ATIC: variants seen among roughly 807,000 people sequenced by gnomAD.
ATIC encodes the protein 5-aminoimidazole-4-carboxamide ribonucleotide formyltransferase/IMP cyclohydrolase.
A neutral mutation model predicts 72.5 loss-of-function variants in ATIC; 64 were observed. The ratio of observed to expected loss-of-function variants is 0.88; its 90% CI spans 0.72 to 1.09. ATIC has a LOEUF of 1.09. Ranked by LOEUF, ATIC falls within the 50% of genes least tolerant of loss-of-function variation. The pLI, the probability that ATIC is intolerant of heterozygous loss-of-function variation, is 0.00. For synonymous variants in ATIC, 281 were observed against 267.1 expected, an observed-to-expected ratio of 1.05 and a Z score of -0.51; for missense variants, 787 against 732.4, an observed-to-expected ratio of 1.07 and a Z score of -0.86.
chr2:215,333,720 T>G (rs1050830647), intron 9 of ATIC, among the ~76,000 whole-genome samples: 6 of 152,152 alleles, frequency 3.9e-5, no homozygotes, highest in African/African-American at 1.4e-4. Context: ...TGTGAGTACC[T>G]CAAAATACAT....
intron 7 of ATIC, among the ~76,000 whole-genome samples, chr2:215,331,906 C>G (rs1220218687): frequency 6.6e-6 from 1 of 152,176 alleles, no homozygotes; most frequent in Non-Finnish European, 1.5e-5. Context: ...TATTTCTTCT[C>G]TTCTTCCACC....
intron 1 of ATIC, 129 bp from the exon 2 acceptor site, chr2:215,312,369 G>A: frequency 1.3e-6 from 2 of 1,556,478 alleles, no homozygotes; most frequent in South Asian, 2.2e-5. Flanking sequence ...GCCCGGACCA[G>A]GCCTGCGAAC....
chr2:215,333,547 AT>A, intron 9 of ATIC, 90 bp downstream of exon 9: 1 of 921,546 alleles, frequency 1.1e-6, no homozygotes, highest in South Asian at 1.6e-5. Context: ...TAAAGAAAAA[AT>A]ATATAGATAT....
In ATIC at chr2:215,312,111, TC is replaced by T. The variant is rs1575110595; in HGVS notation, c.-29del. The T allele has an allele frequency of 6.5e-7, 1 of 1,530,458 alleles. No homozygotes were observed. 94.8% of individuals were successfully genotyped at this position (1,530,458 alleles called of 1,614,324 possible). On this transcript the variant is annotated 5_prime_UTR_variant, in exon 1 of 16. Transcript: ENST00000236959. Reference sequence around the variant, plus strand: ...CGCACGTGGTGCCGCCGCTGCTGCCTCCCGCTCGCCCTGAACCCAGTGCCTG... The same window carrying T: ...CGCACGTGGTGCCGCCGCTGCTGCCTCCGCTCGCCCTGAACCCAGTGCCTG...
In ATIC at chr2:215,315,989, C is replaced by A. The variant is rs918421016; in HGVS notation, c.147-2168C>A. On this transcript the variant is annotated intron_variant, in intron 2 of 15. Coordinates refer to ENST00000236959, the MANE Select transcript of ATIC (RefSeq NM_004044.7). ...AAAAAAGATCTTGGTTCTGAGGCTG[C>A]TTCTGAGCATATTTTTGGGTGTTGT... Among the ~76,000 whole-genome samples, 21 of 151,536 alleles carry A rather than the reference C, an allele frequency of 1.4e-4. No individual in the cohort carries two copies. The South Asian group carries it at 2.1e-3, about 15-fold the overall frequency.
At chr2:215,329,276 T>TA (rs562447875) in intron 7 of ATIC, among the ~76,000 whole-genome samples, 91 of 152,342 alleles carry the variant, frequency 6.0e-4, no homozygotes, top group African/African-American at 2.1e-3. Context: ...TGTCAGTTCT[T>TA]ATACTTTTCA....
intron 11 of ATIC, among the ~76,000 whole-genome samples, chr2:215,338,085 G>A (rs957797173): frequency 1.3e-5 from 2 of 152,044 alleles, no homozygotes; most frequent in Non-Finnish European, 2.9e-5. Flanking sequence ...TATATGTCAG[G>A]GCTTTCTAAA....
chr2:215,365,579 C>T, the ATIC span: 29 of 1,613,984 alleles, frequency 1.8e-5, no homozygotes, highest in East Asian at 6.7e-5. Context: ...TTCTCCCTGA[C>T]GGTCCCACTT....
chr2:215,320,668 CT>C (rs1343325648), intron 4 of ATIC, among the ~76,000 whole-genome samples: 22 of 152,276 alleles, frequency 1.4e-4, no homozygotes, highest in Non-Finnish European at 2.6e-4. Context: ...CAACCTCTGC[CT>C]CCTGTGTTCA....
At position 215,332,131 on chromosome 2, in the gene ATIC, CGTGTGTGTGTGTGTGT is replaced by C. The variant is rs71044585; in HGVS notation, c.689-222_689-207del. On this transcript the variant is annotated intron_variant, in intron 7 of 15. Coordinates refer to ENST00000236959, the MANE Select transcript of ATIC (RefSeq NM_004044.7). The stretch of plus-strand genomic sequence containing the variant: ...GACTGGCTGGTTCTGGTCCTCCAGT[CGTGTGTGTGTGTGTGT>C]GTGTGTGTGTGTGTGTGTGTGTGTG... Among the ~76,000 whole-genome samples, 1,022 of 142,172 alleles carry C rather than the reference CGTGTGTGTGTGTGTGT, an allele frequency of 7.2e-3. 10 individuals are homozygous for C. The highest frequency in any genetic ancestry group is 0.024 in the African/African-American group (897 of 37,588). The allele number at this position is 142,172 out of a possible 152,430, so 93.3% of individuals were successfully genotyped here.
Position 215,333,087 on chromosome 2 carries a change from C to T in ATIC, c.815-263C>T, listed in dbSNP as rs146593641. 4.1e-3 allele frequency among the ~76,000 whole-genome samples: 628 copies of T among 152,174 alleles called. 3 individuals are homozygous for T. Among genetic ancestry groups the T allele is most frequent in the African/African-American group, 0.014 (600 of 41,526 alleles). ...AAGAGTGAGTCAGTAATGAAGTAAA[C>T]GAGCTTCACCTACACGCTGGGTACT... On this transcript the variant is annotated intron_variant, in intron 8 of 15. Coordinates refer to ENST00000236959, the MANE Select transcript of ATIC (RefSeq NM_004044.7).
chr2:215,343,029 T>G (rs1172120799), intron 12 of ATIC, among the ~76,000 whole-genome samples: 1 of 152,238 alleles, frequency 6.6e-6, no homozygotes, highest in Non-Finnish European at 1.5e-5. Flanking sequence ...GTATGGTAGT[T>G]GCATGTTTAG....
chr2:215,323,476 A>G (rs1255809300), intron 4 of ATIC, among the ~76,000 whole-genome samples: 4 of 152,328 alleles, frequency 2.6e-5, no homozygotes, highest in Non-Finnish European at 5.9e-5. Flanking sequence ...TGTCTTGTGA[A>G]GTAGAATTGT....
At chr2:215,359,612 C>T in the ATIC span, among the ~76,000 whole-genome samples, 18 of 152,236 alleles carry the variant, frequency 1.2e-4, no homozygotes, top group African/African-American at 4.1e-4. Context: ...GTCTGTATTT[C>T]GCTAAGGAAA....
chr2:215,335,338 C>T (rs2052942988), intron 10 of ATIC, among the ~76,000 whole-genome samples: 1 of 152,144 alleles, frequency 6.6e-6, no homozygotes, highest in African/African-American at 2.4e-5. Flanking sequence ...ATCCATCTTA[C>T]TGCATAGTGG....
chr2:215,331,335 A>G (rs1178962915), intron 7 of ATIC, among the ~76,000 whole-genome samples: 1 of 148,906 alleles, frequency 6.7e-6, no homozygotes, highest in Non-Finnish European at 1.5e-5. Context: ...TTTAAAAACT[A>G]TCTTAACCCA....
intron 4 of ATIC, among the ~76,000 whole-genome samples, chr2:215,322,430 A>G (rs1452402340): frequency 6.7e-6 from 1 of 149,640 alleles, no homozygotes; most frequent in Non-Finnish European, 1.5e-5. Flanking sequence ...CCTGGGTTCA[A>G]GCGATTCTCA....
At chr2:215,339,801 A>AT (rs1229710545) in intron 12 of ATIC, among the ~76,000 whole-genome samples, 3 of 151,258 alleles carry the variant, frequency 2.0e-5, no homozygotes, top group Non-Finnish European at 4.4e-5. Flanking sequence ...CGCCTGGCTA[A>AT]TTTTTTTTGT....
intron 3 of ATIC, among the ~76,000 whole-genome samples, chr2:215,318,752 T>G (rs2052736624): frequency 6.6e-6 from 1 of 152,230 alleles, no homozygotes; most frequent in African/African-American, 2.4e-5. Context: ...GACAAGCCAT[T>G]GACTTACAGA....
Sources: allele counts gnomAD v4.1 joint callset (sites outside exome capture counted in the v4.1 genomes callset), GRCh38; gene constraint gnomAD v4.1.1; transcripts MANE v1.5; gene names NCBI Gene and HGNC (gene_info 2026-07-23, HGNC 2026-07-21).